SORCS1: variants seen among roughly 807,000 people sequenced by gnomAD.
SORCS1 encodes VPS10 domain-containing receptor SorCS1.
Under a neutral mutation model 146.1 loss-of-function variants are expected in SORCS1, and 60 were observed. That is an observed-to-expected ratio of 0.41 (90% CI 0.33 to 0.51). The LOEUF is 0.51. Ranked by LOEUF, SORCS1 falls within the 20% of genes least tolerant of loss-of-function variation. The pLI is 0.21. For synonymous variants in SORCS1, 637 were observed against 584.0 expected (o/e 1.09, Z -1.31); for missense variants, 1,352 against 1,487.6 (o/e 0.91, Z 1.50).
chr10:107,143,968 G>A (rs116459147), intron 1 of SORCS1, among the ~76,000 whole-genome samples: 1,874 of 151,806 alleles, frequency 0.012, 37 homozygotes, highest in African/African-American at 0.043. Flanking sequence ...GCCCTTTTTT[G>A]TAAGATGCCA....
chr10:106,723,524 C>A (rs1354821722), intron 6 of SORCS1, among the ~76,000 whole-genome samples: 1 of 152,070 alleles, frequency 6.6e-6, no homozygotes, highest in Non-Finnish European at 1.5e-5. Flanking sequence ...TAAATATGTT[C>A]AAAAATTTCC....
chr10:107,012,336 A>C (rs1403413648), intron 1 of SORCS1, among the ~76,000 whole-genome samples: 1 of 152,226 alleles, frequency 6.6e-6, no homozygotes, highest in East Asian at 1.9e-4. Flanking sequence ...TAAAAGCCAA[A>C]GTGCTGGAGT....
At chr10:107,106,721 C>T (rs575782785) in intron 1 of SORCS1, among the ~76,000 whole-genome samples, 1 of 151,936 alleles carries the variant, frequency 6.6e-6, no homozygotes, top group Non-Finnish European at 1.5e-5. Flanking sequence ...TATGCCCTCC[C>T]CTCCCAAATT....
At chr10:106,827,583 G>A in intron 3 of SORCS1, among the ~76,000 whole-genome samples, 2 of 152,060 alleles carry the variant, frequency 1.3e-5, no homozygotes, top group East Asian at 3.9e-4. Context: ...TGAACTAGAA[G>A]AAAAATTAAG....
At chr10:106,638,715 C>T (rs1023423062) in intron 18 of SORCS1, among the ~76,000 whole-genome samples, 1 of 152,228 alleles carries the variant, frequency 6.6e-6, no homozygotes. Context: ...CACTTCATCC[C>T]CCTTCTAAAT....
At chr10:106,827,524 T>C (rs2136987894) in intron 3 of SORCS1, among the ~76,000 whole-genome samples, 1 of 152,326 alleles carries the variant, frequency 6.6e-6, no homozygotes, top group African/African-American at 2.4e-5. Flanking sequence ...GCATAGCACA[T>C]TGCCTAGCAT....
At chr10:107,018,019 C>G (rs539811128) in intron 1 of SORCS1, among the ~76,000 whole-genome samples, 1 of 152,264 alleles carries the variant, frequency 6.6e-6, no homozygotes, top group East Asian at 1.9e-4. Context: ...TCTCATGAGA[C>G]AGGTGCCCAC....
intron 3 of SORCS1, among the ~76,000 whole-genome samples, chr10:106,813,052 T>TG (rs1232736735): frequency 2.6e-5 from 4 of 152,030 alleles, no homozygotes; most frequent in Admixed American, 2.6e-4. Context: ...CAGCGAACTG[T>TG]ATTGTCCCTC....
At chr10:106,805,921 G>A (rs531050028) in intron 3 of SORCS1, among the ~76,000 whole-genome samples, 5 of 151,278 alleles carry the variant, frequency 3.3e-5, no homozygotes, top group Admixed American at 6.6e-5. Context: ...TTAGCCAGGC[G>A]TGGTGGCAGG....
At chr10:106,713,026 G>A (rs12260775) in intron 6 of SORCS1, among the ~76,000 whole-genome samples, 3,202 of 152,256 alleles carry the variant, frequency 0.021, 100 homozygotes, top group African/African-American at 0.065. Flanking sequence ...TGAGGAGAGA[G>A]CTTTTAAGGG....
chr10:106,664,194 A>C (rs1471990070), intron 17 of SORCS1, among the ~76,000 whole-genome samples: 1 of 152,240 alleles, frequency 6.6e-6, no homozygotes, highest in Admixed American at 6.5e-5. Context: ...TAACAACTGC[A>C]TTGACCAACA....
chr10:106,945,163 C>T (rs917585815), intron 2 of SORCS1, among the ~76,000 whole-genome samples: 1 of 152,006 alleles, frequency 6.6e-6, no homozygotes, highest in Non-Finnish European at 1.5e-5. Flanking sequence ...GCTGGGATTA[C>T]AGGTGTGAGC....
chr10:106,859,399 C>A (rs916044736), intron 2 of SORCS1, among the ~76,000 whole-genome samples: 8 of 152,020 alleles, frequency 5.3e-5, no homozygotes, highest in Non-Finnish European at 1.0e-4. Context: ...ATCAAATATC[C>A]TTTCTTTTTT....
intron 1 of SORCS1, among the ~76,000 whole-genome samples, chr10:107,087,018 A>G (rs1190854105): frequency 6.6e-6 from 1 of 152,250 alleles, no homozygotes; most frequent in Non-Finnish European, 1.5e-5. Context: ...ACAGAGCGTG[A>G]CTTCGTCTCA....
At chr10:106,935,321 T>C (rs1159497355) in intron 2 of SORCS1, among the ~76,000 whole-genome samples, 1 of 152,154 alleles carries the variant, frequency 6.6e-6, no homozygotes, top group Admixed American at 6.5e-5. Context: ...ATATAGAATA[T>C]AGAAATAAAT....
chr10:107,147,286 CG>C (rs1565104743), intron 1 of SORCS1, among the ~76,000 whole-genome samples: 1 of 152,138 alleles, frequency 6.6e-6, no homozygotes. Context: ...GCAACATGGG[CG>C]CTGGTTCTCA....
At chr10:107,167,457 T>G (rs1198158637), upstream of SORCS1, among the ~76,000 whole-genome samples, 1 of 151,884 alleles carries the variant, frequency 6.6e-6, no homozygotes, top group Non-Finnish European at 1.5e-5. Flanking sequence ...CAATAAGGAG[T>G]CTTTTCATTG....
upstream of SORCS1, among the ~76,000 whole-genome samples, chr10:107,164,928 GCCGCCGCCTCTCC>G (rs1186499531): frequency 1.3e-5 from 2 of 149,224 alleles, no homozygotes; most frequent in Admixed American, 6.7e-5. The surrounding 1 kb of genome is among the most constrained non-coding windows in gnomAD (Gnocchi z 6.8). Context: ...CGCAGGCGCT[GCCGCCGCCTCTCC>G]CCGCCGCCCA....
At chr10:107,019,627 C>T (rs1011186747) in intron 1 of SORCS1, among the ~76,000 whole-genome samples, 5 of 152,178 alleles carry the variant, frequency 3.3e-5, no homozygotes, top group African/African-American at 1.2e-4. Context: ...GCAGGCAACC[C>T]ATTTAATGCC....
Sources: allele counts gnomAD v4.1 joint callset (sites outside exome capture counted in the v4.1 genomes callset), GRCh38; gene constraint gnomAD v4.1.1; non-coding constraint Gnocchi (gnomAD v3.1); transcripts MANE v1.5; gene names NCBI Gene and HGNC (gene_info 2026-07-23, HGNC 2026-07-21).